Variants in DSCAM observed in about 807,000 individuals in gnomAD.
The protein encoded by DSCAM is cell adhesion molecule DSCAM.
Under a neutral mutation model 217.7 loss-of-function variants are expected in DSCAM, and 47 were observed. That is an observed-to-expected ratio of 0.22 (90% confidence interval 0.17 to 0.28). The LOEUF (loss-of-function observed/expected upper bound fraction) is 0.28, where lower values mean the gene tolerates loss of function less well. DSCAM is among the 10% of genes least tolerant of loss of function. DSCAM has a pLI of 1.00. For synonymous variants in DSCAM, 1,056 were observed against 1,015.3 expected (o/e 1.04, Z -0.76); for missense variants, 2,080 against 2,618.3 (o/e 0.79, Z 4.49).
chr21:40,341,889 C>T (rs1370938169), intron 6 of DSCAM, among the ~76,000 whole-genome samples: 1 of 152,180 alleles, frequency 6.6e-6, no homozygotes, highest in Non-Finnish European at 1.5e-5. Flanking sequence ...CATGTCATTT[C>T]AGCCTCTTTT....
intron 11 of DSCAM, among the ~76,000 whole-genome samples, chr21:40,230,037 T>C (rs2091367835): frequency 6.6e-6 from 1 of 152,266 alleles, no homozygotes; most frequent in Admixed American, 6.5e-5. Flanking sequence ...TTCTAATAGA[T>C]GCACAGTACT....
At chr21:40,420,890 C>A (rs1308852050) in intron 3 of DSCAM, among the ~76,000 whole-genome samples, 5 of 152,148 alleles carry the variant, frequency 3.3e-5, no homozygotes, top group African/African-American at 1.2e-4. Context: ...CCTGCTGATA[C>A]CTTGATCTCA....
chr21:40,639,693 G>A (rs1380415819), intron 3 of DSCAM, among the ~76,000 whole-genome samples: 1 of 151,796 alleles, frequency 6.6e-6, no homozygotes, highest in Non-Finnish European at 1.5e-5. Flanking sequence ...GTGTGCATGT[G>A]TGTGTGTGTG....
chr21:40,726,451 A>T (rs1302098793), intron 1 of DSCAM, among the ~76,000 whole-genome samples: 1 of 152,188 alleles, frequency 6.6e-6, no homozygotes, highest in East Asian at 1.9e-4. Context: ...CCATAAAATC[A>T]AGGTAAATCC....
intron 1 of DSCAM, among the ~76,000 whole-genome samples, chr21:40,821,591 C>T (rs139470650): frequency 6.4e-4 from 97 of 152,276 alleles, no homozygotes; most frequent in African/African-American, 2.3e-3. Context: ...TAGCTGCATC[C>T]ATGTCCCTGA....
In DSCAM at chr21:40,708,438, C is replaced by A; in HGVS notation, c.361+16G>T. ...CAAGCAGGCACAGAAAAAACAAAGC[C>A]CAGAGCTGTACTCACCAGCCTTGAT... On this transcript the variant is annotated intron_variant, in intron 2 of 32. Transcript: ENST00000400454. The A allele has an allele frequency of 7.0e-7, 1 of 1,429,888 alleles. No homozygotes were observed. Among genetic ancestry groups the A allele is most frequent in the Non-Finnish European group, 9.2e-7 (1 of 1,087,502 alleles). 88.6% of individuals were successfully genotyped at this position (1,429,888 alleles called of 1,614,324 possible).
chr21:40,609,021 C>T (rs1263278693), intron 3 of DSCAM, among the ~76,000 whole-genome samples: 1 of 152,176 alleles, frequency 6.6e-6, no homozygotes, highest in East Asian at 1.9e-4. Context: ...GTGGCACAAT[C>T]ATGGCTCACT....
chr21:40,190,823 T>C (rs1186368004), intron 11 of DSCAM, among the ~76,000 whole-genome samples: 3 of 152,178 alleles, frequency 2.0e-5, no homozygotes, highest in African/African-American at 7.2e-5. Context: ...AACACCATGA[T>C]TGAGAACCAG....
At chr21:40,324,125 A>AG (rs2074291493) in intron 8 of DSCAM, among the ~76,000 whole-genome samples, 1 of 142,002 alleles carries the variant, frequency 7.0e-6, no homozygotes, top group African/African-American at 2.8e-5. Context: ...AAAAAAAAAA[A>AG]AAAAAAGAAA....
chr21:40,347,743 G>A lies in DSCAM; in HGVS notation c.1137C>T (p.Asp379=), dbSNP rs755469143. The change falls in exon 6 of 33, where the codon GAC becomes GAT. Residue 379 remains aspartate (D), a synonymous_variant. Transcript: ENST00000400454. ...GCACAAAGCACTGGTATGCGCCCCCGTCACTTTTGACCATGTGATCCATTA... is the reference window on the plus strand; with the variant it reads ...GCACAAAGCACTGGTATGCGCCCCCATCACTTTTGACCATGTGATCCATTA... The part of the protein sequence containing the change: ...NLIMDHMVKS[D]GGAYQCFVRK... 15 of 1,614,076 alleles carry A rather than the reference G, an allele frequency of 9.3e-6. No individual in the cohort carries two copies. The highest frequency in any genetic ancestry group is 4.5e-5 in the East Asian group (2 of 44,890).
At chr21:40,512,864 C>T (rs913882124) in intron 3 of DSCAM, among the ~76,000 whole-genome samples, 1 of 151,744 alleles carries the variant, frequency 6.6e-6, no homozygotes. Context: ...TCAGCTTCGA[C>T]GCTTGCCCAT....
At chr21:40,504,154 G>C (rs948738731) in intron 3 of DSCAM, among the ~76,000 whole-genome samples, 1 of 152,094 alleles carries the variant, frequency 6.6e-6, no homozygotes, top group Non-Finnish European at 1.5e-5. Context: ...TGAAGGAAAG[G>C]AAAGAGAAGA....
rs887458585 is a variant in DSCAM, at chr21:40,717,095, T to C, written c.44-8324A>G. The stretch of plus-strand genomic sequence containing the variant: ...AAAAAGGTGCTGGGAAGCAGGAAAT[T>C]CAATGCACAGCTAAAAGTGTTGCAC... On this transcript the variant is annotated intron_variant, in intron 1 of 32. Coordinates refer to ENST00000400454, the MANE Select transcript of DSCAM (RefSeq NM_001389.5). Among the ~76,000 whole-genome samples, 21 of 152,178 alleles carry C rather than the reference T, an allele frequency of 1.4e-4. 1 individual carries two copies. The highest frequency in any genetic ancestry group is 6.5e-5 in the Admixed American group (1 of 15,278).
At chr21:40,057,498 T>C (rs897082425) in intron 28 of DSCAM, among the ~76,000 whole-genome samples, 1 of 152,170 alleles carries the variant, frequency 6.6e-6, no homozygotes, top group African/African-American at 2.4e-5. Flanking sequence ...GCACCAAAAA[T>C]AGAAGTGTGA....
chr21:40,393,399 G>C (rs2075151278), intron 3 of DSCAM, among the ~76,000 whole-genome samples: 1 of 152,190 alleles, frequency 6.6e-6, no homozygotes. Context: ...TTGTGAGCTT[G>C]TGCTTTGGAG....
At chr21:40,255,376 G>C (rs2073357155) in intron 11 of DSCAM, among the ~76,000 whole-genome samples, 1 of 152,160 alleles carries the variant, frequency 6.6e-6, no homozygotes, top group South Asian at 2.1e-4. Flanking sequence ...GTCTATAAAA[G>C]ACTTAAAGGC....
intron 1 of DSCAM, among the ~76,000 whole-genome samples, chr21:40,712,809 CAGAGAGAGAGAG>C (rs142528775): frequency 2.0e-5 from 3 of 148,948 alleles, no homozygotes; most frequent in Admixed American, 2.0e-4. Context: ...GAAGTTGAGA[CAGAGAGAGAGAG>C]AGAGAGAGAG....
chr21:40,824,728 A>G (rs2091954852), intron 1 of DSCAM, among the ~76,000 whole-genome samples: 1 of 151,826 alleles, frequency 6.6e-6, no homozygotes, highest in Non-Finnish European at 1.5e-5. Flanking sequence ...CCATTTTTAG[A>G]TGTGTCTTCC....
intron 1 of DSCAM, among the ~76,000 whole-genome samples, chr21:40,824,196 C>T (rs1343543123): frequency 2.6e-5 from 4 of 152,052 alleles, no homozygotes; most frequent in Non-Finnish European, 5.9e-5. Context: ...ATCATCTCAC[C>T]CCGGCACCGT....
Sources: allele counts gnomAD v4.1 joint callset (sites outside exome capture counted in the v4.1 genomes callset), GRCh38; gene constraint gnomAD v4.1.1; transcripts MANE v1.5; gene names NCBI Gene and HGNC (gene_info 2026-07-23, HGNC 2026-07-21).